Variants in DSG4 observed in about 807,000 individuals in gnomAD.
DSG4 encodes desmoglein-4.
In DSG4, 87 loss-of-function variants were observed where a neutral mutation model predicts 93.1. That is an observed-to-expected ratio of 0.93 (90% CI 0.79 to 1.12). The LOEUF (loss-of-function observed/expected upper bound fraction) is 1.12, where lower values mean the gene tolerates loss of function less well. Ranked by LOEUF, DSG4 falls within the 50% of genes most tolerant of loss-of-function variation. The pLI, the probability that DSG4 is intolerant of heterozygous loss-of-function variation, is 0.00. For synonymous variants in DSG4, 432 were observed against 452.9 expected, an observed-to-expected ratio of 0.95 and a Z score of 0.59; for missense variants, 1,373 against 1,285.7, an observed-to-expected ratio of 1.07 and a Z score of -1.04.
intron 2 of DSG4, 128 bp downstream of exon 2, chr18:31,385,299 T>C: frequency 1.5e-6 from 1 of 681,942 alleles, no homozygotes. Flanking sequence ...GAGAAAGAAC[T>C]AGTGAACTGA....
In DSG4 at chr18:31,399,452, G is replaced by T. The variant is rs1406796670; in HGVS notation, c.1186G>T (p.Glu396Ter). 1.2e-6 allele frequency: 2 copies of T among 1,613,972 alleles called. No individual in the cohort carries two copies. The highest frequency in any genetic ancestry group is 8.5e-7 in the Non-Finnish European group (1 of 1,179,978). Reference sequence around the variant, plus strand: ...AAGTACTATGGCTTTTAGTGTGCGGGAAGGAATAAAAGGAAGTTCCTTATT... The same window carrying T: ...AAGTACTATGGCTTTTAGTGTGCGGTAAGGAATAAAAGGAAGTTCCTTATT... ...HPSTMAFSVREGIKGSSLLNY... is the reference protein window; with the variant it reads ...HPSTMAFSVR The change falls in exon 9 of 16, where the codon GAA (glutamate) becomes TAA (stop). Residue 396 changes from glutamate (E) to a stop codon, truncating the protein, a stop_gained. Transcript: ENST00000308128. LOFTEE classifies it high-confidence loss of function.
intron 5 of DSG4, 87 bp from the exon 6 acceptor site, chr18:31,390,569 C>T: frequency 6.6e-7 from 1 of 1,517,930 alleles, no homozygotes; most frequent in Non-Finnish European, 9.1e-7. Context: ...CAGGAGAAGG[C>T]CAACCACTCT....
intron 13 of DSG4, 55 bp downstream of exon 13, chr18:31,409,646 T>C: frequency 6.2e-7 from 1 of 1,614,172 alleles, no homozygotes; most frequent in Non-Finnish European, 8.5e-7. Flanking sequence ...AAATTGAGCA[T>C]GTCTTAACAA....
intron 1 of DSG4, among the ~76,000 whole-genome samples, chr18:31,384,038 G>GA (rs1360948686): frequency 1.3e-5 from 2 of 151,744 alleles, no homozygotes; most frequent in Non-Finnish European, 2.9e-5. Context: ...TCTGCTACCA[G>GA]AAAAAAAATT....
chr18:31,381,441 G>A (rs2072133491), intron 1 of DSG4, among the ~76,000 whole-genome samples: 1 of 152,054 alleles, frequency 6.6e-6, no homozygotes, highest in South Asian at 2.1e-4. Context: ...GGACAGTCAG[G>A]ATGTGAACCT....
At chr18:31,408,255 G>A (rs2072449234) in intron 12 of DSG4, among the ~76,000 whole-genome samples, 1 of 152,168 alleles carries the variant, frequency 6.6e-6, no homozygotes, top group South Asian at 2.1e-4. Flanking sequence ...ATTGTATTGG[G>A]TATGTGCTAA....
chr18:31,398,045 A>C (rs2072324563), intron 8 of DSG4, among the ~76,000 whole-genome samples: 1 of 151,796 alleles, frequency 6.6e-6, no homozygotes, highest in Non-Finnish European at 1.5e-5. Flanking sequence ...AAAAAAAAAA[A>C]AAAACTTGAG....
At chr18:31,392,425 T>C in intron 8 of DSG4, 85 bp downstream of exon 8, 1 of 1,438,280 alleles carries the variant, frequency 7.0e-7, no homozygotes, top group Non-Finnish European at 9.6e-7. Context: ...AGAATCTGCC[T>C]TTAAAAAAAA....
At chr18:31,394,316 G>A (rs1428518615) in intron 8 of DSG4, among the ~76,000 whole-genome samples, 3 of 152,138 alleles carry the variant, frequency 2.0e-5, no homozygotes, top group African/African-American at 7.2e-5. Flanking sequence ...AGTGGCTCAC[G>A]TCTGTAATCC....
chr18:31,406,827 G>T (rs968134957), intron 12 of DSG4, among the ~76,000 whole-genome samples: 2 of 151,702 alleles, frequency 1.3e-5, no homozygotes, highest in Non-Finnish European at 2.9e-5. Flanking sequence ...GCCCAGGCTG[G>T]AGTGCAGTGG....
chr18:31,380,722 TTGG>T (rs564687548), intron 1 of DSG4, among the ~76,000 whole-genome samples: 165 of 152,298 alleles, frequency 1.1e-3, no homozygotes, highest in Non-Finnish European at 2.0e-3. Context: ...TATTAATAAG[TTGG>T]TCCTACATAT....
chr18:31,380,992 T>C (rs1448574156), intron 1 of DSG4, among the ~76,000 whole-genome samples: 4 of 152,208 alleles, frequency 2.6e-5, no homozygotes, highest in Non-Finnish European at 5.9e-5. Context: ...AAAAGTTAGA[T>C]GACAATAGAG....
At chr18:31,389,184 C>A (rs1433419595) in intron 5 of DSG4, among the ~76,000 whole-genome samples, 166 bp downstream of exon 5, 1 of 152,098 alleles carries the variant, frequency 6.6e-6, no homozygotes, top group Non-Finnish European at 1.5e-5. Context: ...AAAAAGAAAT[C>A]ATGTCTAAAA....
At chr18:31,380,117 AG>A (rs879449310) in intron 1 of DSG4, among the ~76,000 whole-genome samples, 3 of 152,182 alleles carry the variant, frequency 2.0e-5, no homozygotes, top group Non-Finnish European at 4.4e-5. Flanking sequence ...ATATAAAAAA[AG>A]CTTTATATCC....
intron 1 of DSG4, among the ~76,000 whole-genome samples, chr18:31,378,633 A>G (rs1375315607): frequency 6.6e-6 from 1 of 152,018 alleles, no homozygotes; most frequent in Non-Finnish European, 1.5e-5. Context: ...CCTACTCCTC[A>G]TTGATATTGA....
rs2072337984 is a variant in DSG4, at chr18:31,399,290, G to A, written c.1024G>A (p.Ala342Thr). ...KVVKMLDYEQ[A>T]PNIQLSIGVK... ...ATTTCAGATGCTGGATTATGAACAA[G>A]CACCTAACATTCAGCTTAGTATCGG... Residue 342 changes from alanine to threonine, a missense_variant, in exon 9 of 16, where the codon GCA (alanine) becomes ACA (threonine). Physicochemically the swap from Ala to Thr is moderately conservative, Grantham distance 58. Transcript: ENST00000308128. The A allele has an allele frequency of 6.2e-7, 1 of 1,613,914 alleles. No individual in the cohort carries two copies. Among genetic ancestry groups the A allele is most frequent in the Non-Finnish European group, 8.5e-7 (1 of 1,179,886 alleles).
At position 31,412,896 on chromosome 18, in the gene DSG4, C is replaced by T. The variant is rs778339392; in HGVS notation, c.2424C>T (p.His808=). ...PANDCLLIYD[H]EGVGSPVGSI... The stretch of plus-strand genomic sequence containing the variant: ...ATGACTGCTTGCTCATTTATGACCA[C>T]GAGGGAGTCGGGTCTCCCGTAGGCT... The change falls in exon 16 of 16, where the codon CAC becomes CAT. Residue 808 remains histidine (H), a synonymous_variant. Transcript: ENST00000308128. 4.3e-6 allele frequency: 7 copies of T among 1,614,036 alleles called. No individual in the cohort carries two copies. Among genetic ancestry groups the T allele is most frequent in the South Asian group, 1.1e-5 (1 of 91,088 alleles).
chr18:31,379,763 A>C (rs2072114818), intron 1 of DSG4, among the ~76,000 whole-genome samples: 1 of 152,196 alleles, frequency 6.6e-6, no homozygotes, highest in Non-Finnish European at 1.5e-5. Context: ...TAGTTCTCAC[A>C]TGCACTCAAA....
chr18:31,403,035 G>T (rs756760057), intron 10 of DSG4, among the ~76,000 whole-genome samples: 1 of 151,850 alleles, frequency 6.6e-6, no homozygotes, highest in African/African-American at 2.4e-5. Flanking sequence ...CTGACCTGGG[G>T]GTCTAATTTA....
Sources: allele counts gnomAD v4.1 joint callset (sites outside exome capture counted in the v4.1 genomes callset), GRCh38; gene constraint gnomAD v4.1.1; transcripts MANE v1.5; gene names NCBI Gene and HGNC (gene_info 2026-07-23, HGNC 2026-07-21).